GINS2: variants seen among roughly 807,000 people sequenced by gnomAD.
The protein encoded by GINS2 is GINS complex subunit 2, also known as DNA replication complex GINS protein PSF2.
Under a neutral mutation model 21.2 loss-of-function variants are expected in GINS2, and 23 were observed. The observed-to-expected ratio is 1.08, with a 90% CI of 0.78 to 1.53. The LOEUF (loss-of-function observed/expected upper bound fraction) is 1.53. Ranked by LOEUF, GINS2 falls within the 40% of genes most tolerant of loss-of-function variation. The pLI, the probability that GINS2 is intolerant of heterozygous loss-of-function variation, is 0.00. For synonymous variants in GINS2, 118 were observed against 85.6 expected (o/e 1.38, Z -2.09); for missense variants, 323 against 233.9 (o/e 1.38, Z -2.49).
intron 2 of GINS2, among the ~76,000 whole-genome samples, chr16:85,686,316 G>A (rs1243174078): frequency 2.0e-5 from 3 of 152,082 alleles, no homozygotes; most frequent in African/African-American, 7.2e-5. Flanking sequence ...TACTTGGGAG[G>A]CTGACGCGGG....
Position 85,678,551 on chromosome 16 carries a change from C to A in GINS2, c.421G>T (p.Ala141Ser), listed in dbSNP as rs376770785. ...AAGGCGGCACCTACCTTGGCATGTG[C>A]CTCCTGCTGTCTCACAAAGCTGTCA... is the stretch of plus-strand genomic sequence containing the variant. ...SADSFVRQQE[A>S]HAKLDNLTLM... The change falls in exon 4 of 5, where the codon GCA (alanine) becomes TCA (serine). Residue 141 changes from alanine (A) to serine (S), a missense_variant. Coordinates refer to ENST00000253462, the MANE Select transcript of GINS2 (RefSeq NM_016095.3). 30 of 1,613,222 alleles carry A rather than the reference C, an allele frequency of 1.9e-5. No individual in the cohort carries two copies. The highest frequency in any genetic ancestry group is 1.8e-4 in the Middle Eastern group (1 of 5,638).
intron 2 of GINS2, among the ~76,000 whole-genome samples, chr16:85,685,961 ATATG>A (rs984668756): frequency 2.0e-5 from 3 of 151,944 alleles, no homozygotes; most frequent in Admixed American, 6.6e-5. Context: ...TTCAAATTCT[ATATG>A]TATGACCATA....
At chr16:85,687,779 T>C in intron 1 of GINS2, 1 of 455,820 alleles carries the variant, frequency 2.2e-6, no homozygotes, top group Non-Finnish European at 3.9e-6. Flanking sequence ...TCAGTCCTTC[T>C]GGCCTTTCCG....
At chr16:85,687,430 C>G in intron 2 of GINS2, 30 bp downstream of exon 2, 1 of 1,333,460 alleles carries the variant, frequency 7.5e-7, no homozygotes, top group Non-Finnish European at 1.0e-6. Context: ...GCCCCACCCA[C>G]GCATCAACCA....
In GINS2 at chr16:85,682,017, C is replaced by T. The variant is rs559077085; in HGVS notation, c.206-336G>A. 9.5e-4 allele frequency among the ~76,000 whole-genome samples: 130 copies of T among 137,334 alleles called. 1 individual carries two copies. The highest frequency in any genetic ancestry group is 3.7e-3 in the Middle Eastern group (1 of 272). 90.1% of individuals were successfully genotyped at this position (137,334 alleles called of 152,430 possible). The stretch of plus-strand genomic sequence containing the variant: ...GAAACAGCAAAGTGATTTACCTTTA[C>T]CGCCTTTTTTTTTTTTTTTTTTTTT... On this transcript the variant is annotated intron_variant, in intron 2 of 4. Transcript: ENST00000253462.
chr16:85,687,005 T>C (rs938728552), intron 2 of GINS2, among the ~76,000 whole-genome samples: 4 of 152,252 alleles, frequency 2.6e-5, no homozygotes, highest in African/African-American at 9.6e-5. Flanking sequence ...CCAGATCGCT[T>C]GACCCCAGGA....
At chr16:85,678,365 C>A in intron 4 of GINS2, 28 bp from the exon 5 acceptor site, 2 of 1,611,728 alleles carry the variant, frequency 1.2e-6, no homozygotes, top group East Asian at 4.5e-5. Context: ...ACCAAGTTGG[C>A]CAAGGAGTTT....
At chr16:85,687,706 C>A in intron 1 of GINS2, 132 bp from the exon 2 acceptor site, 1 of 564,098 alleles carries the variant, frequency 1.8e-6, no homozygotes, top group South Asian at 2.5e-5. Context: ...AAAAACCCAA[C>A]TGTTACCAGA....
intron 4 of GINS2, 35 bp downstream of exon 4, chr16:85,678,505 C>T (rs2053704738): frequency 2.5e-6 from 4 of 1,606,038 alleles, no homozygotes; most frequent in African/African-American, 1.3e-5. Context: ...TATGCGGCAT[C>T]AAGGCCACCA....
In GINS2 at chr16:85,688,796, G is replaced by A; in HGVS notation, c.90+13C>T. On this transcript the variant is annotated intron_variant, in intron 1 of 4. Coordinates refer to ENST00000253462, the MANE Select transcript of GINS2 (RefSeq NM_016095.3). ...GCCCGGCCTCCCCTCCCCACGGCGG[G>A]CCCAGGCCTCACCCCGATGAGGTAG... The A allele has an allele frequency of 1.3e-6, 2 of 1,502,392 alleles. No homozygotes were observed. The highest frequency in any genetic ancestry group is 9.0e-7 in the Non-Finnish European group (1 of 1,115,114). 93.1% of individuals were successfully genotyped at this position (1,502,392 alleles called of 1,614,324 possible).
At chr16:85,683,747 T>C (rs2053752935) in intron 2 of GINS2, among the ~76,000 whole-genome samples, 1 of 151,978 alleles carries the variant, frequency 6.6e-6, no homozygotes, top group Non-Finnish European at 1.5e-5. Context: ...GCACCAACCT[T>C]CTCTACACAG....
At chr16:85,685,785 T>A (rs969674728) in intron 2 of GINS2, among the ~76,000 whole-genome samples, 29 of 149,794 alleles carry the variant, frequency 1.9e-4, no homozygotes, top group African/African-American at 6.9e-4. Context: ...GGGAAGACAC[T>A]AAGCAGTCTG....
In GINS2 at chr16:85,679,935, C is replaced by T. The variant is rs553706724; in HGVS notation, c.306-1269G>A. Among the ~76,000 whole-genome samples the T allele has an allele frequency of 3.9e-5, 6 of 152,230 alleles. No individual in the cohort carries two copies. In the South Asian group the frequency reaches 1.0e-3, roughly 26 times the overall value. On this transcript the variant is annotated intron_variant, in intron 3 of 4. Transcript: ENST00000253462. ...ACATCCTCAAATATCTCTGCTTGCC[C>T]GGCTACACCAGGTCCTTCACACTCT...
chr16:85,679,604 G>A (rs17229010), intron 3 of GINS2, among the ~76,000 whole-genome samples: 15,049 of 152,200 alleles, frequency 0.099, 979 homozygotes, highest in Middle Eastern at 0.14. Context: ...CCAACTCCTC[G>A]TCAGCTGAAC....
At position 85,676,925 on chromosome 16, in the gene GINS2, T is replaced by A. The variant is rs2053680048; in HGVS notation, c.*1287A>T. On this transcript the variant is annotated 3_prime_UTR_variant, in exon 5 of 5. Transcript: ENST00000253462. ...CGTTGCCCAGGCAGGAGTACAGTGG[T>A]GCAATCTTGGCTCACTACAACCTCC... 6.6e-6 allele frequency: 1 copy of A among 152,170 alleles called. No homozygotes were observed. The highest frequency in any genetic ancestry group is 1.5e-5 in the Non-Finnish European group (1 of 68,068). The allele number at this position is 152,170 out of a possible 1,614,324, so 9.4% of individuals were successfully genotyped here.
In GINS2 at chr16:85,688,415, G is replaced by A. The variant is rs922895620; in HGVS notation, c.90+394C>T. ...ACAAAAATGCGCCGGGCGTGGTGGC[G>A]GGCACCTGTAACAGCAGCTACTCAG... is the stretch of plus-strand genomic sequence containing the variant. On this transcript the variant is annotated intron_variant, in intron 1 of 4. Transcript: ENST00000253462. 2.0e-5 allele frequency among the ~76,000 whole-genome samples: 3 copies of A among 150,602 alleles called. No individual in the cohort carries two copies. In the East Asian group the frequency reaches 6.0e-4, roughly 30 times the overall value.
At position 85,679,095 on chromosome 16, in the gene GINS2, C is replaced by T. The variant is rs560296088; in HGVS notation, c.306-429G>A. 1.2e-4 allele frequency among the ~76,000 whole-genome samples: 19 copies of T among 152,310 alleles called. No individual in the cohort carries two copies. In the South Asian group the frequency reaches 3.7e-3, roughly 30 times the overall value. ...GATCTCCCTATTCCCCACCAGGAAT[C>T]CAGGGCTCACAGCCTAGAGAAGGAA... On this transcript the variant is annotated intron_variant, in intron 3 of 4. Transcript: ENST00000253462.
At chr16:85,678,365 C>G (rs1334679811) in intron 4 of GINS2, 28 bp from the exon 5 acceptor site, 8 of 1,611,730 alleles carry the variant, frequency 5.0e-6, no homozygotes, top group Non-Finnish European at 6.8e-6. Context: ...ACCAAGTTGG[C>G]CAAGGAGTTT....
At chr16:85,682,820 CA>C (rs1405740761) in intron 2 of GINS2, among the ~76,000 whole-genome samples, 2 of 152,190 alleles carry the variant, frequency 1.3e-5, no homozygotes, top group Non-Finnish European at 2.9e-5. Flanking sequence ...GCACGGAGCA[CA>C]GCTACGCTGC....
Sources: allele counts gnomAD v4.1 joint callset (sites outside exome capture counted in the v4.1 genomes callset), GRCh38; gene constraint gnomAD v4.1.1; transcripts MANE v1.5; gene names NCBI Gene and HGNC (gene_info 2026-07-23, HGNC 2026-07-21).